ARHGAP10: variants seen among roughly 807,000 people sequenced by gnomAD.
ARHGAP10 encodes the protein rho GTPase-activating protein 10.
Under a neutral mutation model 108.6 loss-of-function variants are expected in ARHGAP10, and 87 were observed. The observed-to-expected ratio is 0.80, with a 90% CI of 0.67 to 0.96. ARHGAP10 has a LOEUF of 0.96. Among genes scored for constraint, ARHGAP10 ranks in the 40% least tolerant of loss-of-function variants. ARHGAP10 has a pLI of 0.00. For missense variants in ARHGAP10, 939 were observed against 954.5 expected, an observed-to-expected ratio of 0.98 and a Z score of 0.21; for synonymous variants, 347 against 341.1, an observed-to-expected ratio of 1.02 and a Z score of -0.19.
intron 19 of ARHGAP10, among the ~76,000 whole-genome samples, chr4:148,045,773 A>G (rs1343630091): frequency 6.8e-6 from 1 of 146,336 alleles, no homozygotes; most frequent in East Asian, 2.0e-4. Flanking sequence ...AAAGAAATCC[A>G]TCTAAGATGT....
Position 147,883,376 on chromosome 4 carries a change from G to A in ARHGAP10, c.1034+1444G>A, listed in dbSNP as rs144000869. 6.5e-3 allele frequency among the ~76,000 whole-genome samples: 990 copies of A among 152,310 alleles called. 11 individuals are homozygous for A. Among genetic ancestry groups the A allele is most frequent in the African/African-American group, 0.022 (914 of 41,562 alleles). ...CATGCCTGGCCTAAATTTCAAGCCAGTAAGAACTCTTCCAAACTTTAAGAA... is the reference window on the plus strand; with the variant it reads ...CATGCCTGGCCTAAATTTCAAGCCAATAAGAACTCTTCCAAACTTTAAGAA... On this transcript the variant is annotated intron_variant, in intron 10 of 22. Coordinates refer to ENST00000336498, the MANE Select transcript of ARHGAP10 (RefSeq NM_024605.4).
intron 13 of ARHGAP10, among the ~76,000 whole-genome samples, chr4:147,914,568 CT>C (rs1468427040): frequency 4.0e-5 from 5 of 125,226 alleles, no homozygotes; most frequent in South Asian, 2.3e-4. Context: ...CCCCCCCCCC[CT>C]TTTTTTTTTT....
intron 10 of ARHGAP10, among the ~76,000 whole-genome samples, chr4:147,901,618 T>C (rs1736247270): frequency 6.6e-6 from 1 of 152,240 alleles, no homozygotes; most frequent in African/African-American, 2.4e-5. Flanking sequence ...CATATAATAC[T>C]ACTTTACTTT....
intron 1 of ARHGAP10, among the ~76,000 whole-genome samples, chr4:147,740,615 A>G (rs1728617793): frequency 6.6e-6 from 1 of 152,210 alleles, no homozygotes; most frequent in Non-Finnish European, 1.5e-5. Context: ...TACAGTATAG[A>G]CATTCCAAGG....
chr4:147,813,831 T>C (rs528878258), intron 1 of ARHGAP10, among the ~76,000 whole-genome samples: 150 of 152,338 alleles, frequency 9.8e-4, no homozygotes, highest in African/African-American at 3.5e-3. Flanking sequence ...AGCAGCTATA[T>C]AGCATATGTA....
At chr4:147,893,462 A>C (rs1735868880) in intron 10 of ARHGAP10, among the ~76,000 whole-genome samples, 1 of 147,658 alleles carries the variant, frequency 6.8e-6, no homozygotes, top group African/African-American at 2.5e-5. Context: ...CTCTCTATAT[A>C]TAATACTATT....
intron 1 of ARHGAP10, among the ~76,000 whole-genome samples, chr4:147,814,557 A>T (rs540541200): frequency 6.6e-6 from 1 of 152,060 alleles, no homozygotes; most frequent in Non-Finnish European, 1.5e-5. Flanking sequence ...TTGTCTTGAC[A>T]TTACTCCCAC....
intron 1 of ARHGAP10, among the ~76,000 whole-genome samples, chr4:147,791,967 G>C (rs1347817584): frequency 1.3e-5 from 2 of 152,152 alleles, no homozygotes. Flanking sequence ...TAGCACTGCT[G>C]GTGAACATTC....
chr4:148,051,593 C>T (rs983824953), intron 20 of ARHGAP10, among the ~76,000 whole-genome samples: 10 of 152,136 alleles, frequency 6.6e-5, no homozygotes, highest in African/African-American at 1.9e-4. Context: ...CTGGGGGTGC[C>T]GGCACCCTGA....
chr4:147,826,889 G>A (rs1348138838), intron 3 of ARHGAP10, among the ~76,000 whole-genome samples: 8 of 151,900 alleles, frequency 5.3e-5, no homozygotes. Context: ...CCCTCCCCAA[G>A]CCCCGCCCTC....
At chr4:148,007,630 C>T (rs932035960) in intron 18 of ARHGAP10, among the ~76,000 whole-genome samples, 3 of 152,220 alleles carry the variant, frequency 2.0e-5, no homozygotes, top group Non-Finnish European at 4.4e-5. Context: ...TGACACAGAA[C>T]TCGCTGTCTC....
intron 18 of ARHGAP10, among the ~76,000 whole-genome samples, chr4:148,012,822 T>C (rs890312930): frequency 6.6e-6 from 1 of 152,122 alleles, no homozygotes; most frequent in Non-Finnish European, 1.5e-5. Flanking sequence ...GTTTTCTTCC[T>C]TATGATGACA....
At chr4:147,775,308 A>AT (rs1730240572) in intron 1 of ARHGAP10, among the ~76,000 whole-genome samples, 1 of 152,192 alleles carries the variant, frequency 6.6e-6, no homozygotes, top group East Asian at 1.9e-4. Flanking sequence ...TTAGAAATAA[A>AT]TAGGCTTTAA....
At chr4:147,955,182 G>T (rs2126983622) in intron 15 of ARHGAP10, 134 bp from the exon 16 acceptor site, 2 of 788,152 alleles carry the variant, frequency 2.5e-6, no homozygotes, top group African/African-American at 1.7e-5. Context: ...TTTTTGATAT[G>T]TAAAGGTATT....
intron 12 of ARHGAP10, among the ~76,000 whole-genome samples, chr4:147,911,370 C>T (rs539560868): frequency 3.3e-5 from 5 of 152,120 alleles, no homozygotes; most frequent in African/African-American, 7.2e-5. Flanking sequence ...TTGTTGTTGT[C>T]GTTGTTGTTG....
At chr4:147,798,732 T>A (rs1731422409) in intron 1 of ARHGAP10, among the ~76,000 whole-genome samples, 1 of 11,520 alleles carries the variant, frequency 8.7e-5, no homozygotes, top group African/African-American at 2.1e-4. Context: ...ACACTCTCTC[T>A]CTCTCTCTCT....
chr4:148,020,827 G>C (rs932898966), intron 18 of ARHGAP10, among the ~76,000 whole-genome samples: 2 of 152,102 alleles, frequency 1.3e-5, no homozygotes, highest in East Asian at 1.9e-4. Flanking sequence ...GGATTGCTGG[G>C]TCAAATGGTA....
chr4:148,032,124 A>G (rs1253161830), intron 19 of ARHGAP10, among the ~76,000 whole-genome samples: 1 of 152,066 alleles, frequency 6.6e-6, no homozygotes, highest in Non-Finnish European at 1.5e-5. Context: ...TATTAAAAAT[A>G]ATTTAAAAAA....
At chr4:147,760,836 G>T (rs1306641719) in intron 1 of ARHGAP10, among the ~76,000 whole-genome samples, 1 of 152,098 alleles carries the variant, frequency 6.6e-6, no homozygotes, top group African/African-American at 2.4e-5. Flanking sequence ...GTGAATGGCC[G>T]GTGGGGCTTT....
Sources: gnomAD v4.1 joint callset for allele counts (sites outside exome capture counted in the v4.1 genomes callset) on GRCh38, gnomAD v4.1.1 for gene constraint, MANE v1.5 for transcripts, NCBI Gene and HGNC (gene_info 2026-07-23, HGNC 2026-07-21) for gene names.